The following CORO2B variants were observed in gnomAD, a reference collection of about 807,000 sequenced individuals.
The protein encoded by CORO2B is coronin-2B.
In CORO2B, 26 loss-of-function variants were observed where a neutral mutation model predicts 58.8. That is an observed-to-expected ratio of 0.44 (90% CI 0.32 to 0.61). The LOEUF (loss-of-function observed/expected upper bound fraction) is 0.61, where lower values mean the gene tolerates loss of function less well. Ranked by LOEUF, CORO2B falls within the 20% of genes least tolerant of loss-of-function variation. The probability of loss-of-function intolerance (pLI) is 0.04; values close to 1 mark genes in which losing one functional copy is unlikely to be tolerated. For missense variants in CORO2B, 460 were observed against 645.1 expected (o/e 0.71, Z 3.11); for synonymous variants, 242 against 253.8 (o/e 0.95, Z 0.44).
At chr15:68,722,168 G>T (rs1297851157) in intron 11 of CORO2B, among the ~76,000 whole-genome samples, 1 of 152,224 alleles carries the variant, frequency 6.6e-6, no homozygotes, top group Non-Finnish European at 1.5e-5. Context: ...TGGGTCTGGA[G>T]AAGGCAGGGT....
chr15:68,565,801 T>A, the CORO2B span, among the ~76,000 whole-genome samples: 29 of 152,224 alleles, frequency 1.9e-4, no homozygotes, highest in Non-Finnish European at 4.1e-4. Flanking sequence ...ATAGAAATAA[T>A]ACCTGCTTGG....
At chr15:68,719,806 A>G (rs12148095) in intron 11 of CORO2B, among the ~76,000 whole-genome samples, 106,275 of 152,142 alleles carry the variant, frequency 0.7, 37,559 homozygotes, top group East Asian at 0.87. Context: ...GCATCTCCTC[A>G]TGAACTCATT....
At chr15:68,577,293 A>C (rs1440480167), upstream of CORO2B, among the ~76,000 whole-genome samples, 1 of 152,238 alleles carries the variant, frequency 6.6e-6, no homozygotes, top group East Asian at 1.9e-4. Context: ...GAAGACTTTC[A>C]TTCAAGTCCT....
chr15:68,643,690 ACTT>A (rs1901329000), intron 1 of CORO2B, among the ~76,000 whole-genome samples: 1 of 152,150 alleles, frequency 6.6e-6, no homozygotes, highest in African/African-American at 2.4e-5. Context: ...TGGATTCTGA[ACTT>A]CTTCCTTCAA....
chr15:68,615,513 GA>G (rs1900333226), intron 1 of CORO2B, among the ~76,000 whole-genome samples: 4 of 152,182 alleles, frequency 2.6e-5, no homozygotes, highest in Non-Finnish European at 5.9e-5. Context: ...TGCTATGGTT[GA>G]AAAATGTTTG....
At chr15:68,708,501 C>T (rs1191677120) in intron 3 of CORO2B, among the ~76,000 whole-genome samples, 3 of 151,760 alleles carry the variant, frequency 2.0e-5, no homozygotes, top group Admixed American at 2.0e-4. Context: ...GCTGGGACTA[C>T]AGGTGCCTGC....
intron 1 of CORO2B, among the ~76,000 whole-genome samples, chr15:68,640,853 G>A (rs773645703): frequency 2.3e-4 from 35 of 152,252 alleles, no homozygotes; most frequent in Non-Finnish European, 4.8e-4. Context: ...TGGGGTAGAG[G>A]AGGAGGAGCA....
At chr15:68,529,570 T>A in the CORO2B span, among the ~76,000 whole-genome samples, 24 of 151,998 alleles carry the variant, frequency 1.6e-4, no homozygotes, top group Non-Finnish European at 3.2e-4. Flanking sequence ...TCTCTAGTTA[T>A]GCCTCCTCTT....
chr15:68,691,785 C>T (rs937693539), intron 2 of CORO2B, among the ~76,000 whole-genome samples: 1 of 152,052 alleles, frequency 6.6e-6, no homozygotes, highest in Non-Finnish European at 1.5e-5. Flanking sequence ...GAATAGGTTC[C>T]GGTGATGTTG....
At chr15:68,551,176 C>A in the CORO2B span, among the ~76,000 whole-genome samples, 1 of 151,926 alleles carries the variant, frequency 6.6e-6, no homozygotes, top group Admixed American at 6.6e-5. Context: ...ACAGGGGTGC[C>A]GTGGGGAGAA....
At chr15:68,579,300 G>T (rs1899357607) in intron 1 of CORO2B, 23 bp downstream of exon 1, 1 of 1,285,472 alleles carries the variant, frequency 7.8e-7, no homozygotes, top group East Asian at 3.4e-5. Context: ...CGCCCGCCGC[G>T]CCCGGGACCC....
intron 2 of CORO2B, among the ~76,000 whole-genome samples, chr15:68,691,285 G>A (rs1260952922): frequency 7.1e-5 from 10 of 140,078 alleles, no homozygotes; most frequent in African/African-American, 2.5e-4. Context: ...AGCCGAGATC[G>A]CGCCACTGCA....
At chr15:68,525,622 T>C in the CORO2B span, among the ~76,000 whole-genome samples, 195 of 152,336 alleles carry the variant, frequency 1.3e-3, no homozygotes, top group Non-Finnish European at 2.3e-3. Flanking sequence ...TTCAGCCTAA[T>C]TCATATCTAT....
intron 3 of CORO2B, among the ~76,000 whole-genome samples, chr15:68,695,879 T>C (rs1227607732): frequency 6.6e-6 from 1 of 150,532 alleles, no homozygotes; most frequent in Admixed American, 6.6e-5. Context: ...AGAGAACAGA[T>C]AGGAGAAATA....
the CORO2B span, among the ~76,000 whole-genome samples, chr15:68,560,478 T>C: frequency 2.0e-5 from 3 of 152,010 alleles, no homozygotes; most frequent in South Asian, 2.1e-4. Context: ...ACAATTTTTT[T>C]TGTAGAAACG....
intron 1 of CORO2B, among the ~76,000 whole-genome samples, chr15:68,634,244 T>C (rs74020259): frequency 0.1 from 15,194 of 152,256 alleles, 1,807 homozygotes; most frequent in African/African-American, 0.29. Flanking sequence ...GGTGTTTGCA[T>C]GATCTTGTGC....
chr15:68,563,941 A>G, the CORO2B span, among the ~76,000 whole-genome samples: 36 of 152,366 alleles, frequency 2.4e-4, no homozygotes, highest in East Asian at 5.8e-3. Context: ...CATTTAAAGA[A>G]GAATCAAAAC....
At chr15:68,713,240 TA>T in intron 5 of CORO2B, among the ~76,000 whole-genome samples, 1 of 152,294 alleles carries the variant, frequency 6.6e-6, no homozygotes. Context: ...AAAATGGGGA[TA>T]ATGATTTCTT....
chr15:68,677,971 T>A (rs1902642261), intron 2 of CORO2B, among the ~76,000 whole-genome samples: 1 of 151,906 alleles, frequency 6.6e-6, no homozygotes, highest in African/African-American at 2.4e-5. Context: ...TTCATGAAAA[T>A]CTCCTGCCTC....
Sources: allele counts gnomAD v4.1 joint callset (sites outside exome capture counted in the v4.1 genomes callset), GRCh38; gene constraint gnomAD v4.1.1; transcripts MANE v1.5; gene names NCBI Gene and HGNC (gene_info 2026-07-23, HGNC 2026-07-21).